PRELID2: variants seen among roughly 807,000 people sequenced by gnomAD.
PRELID2 encodes the protein PRELI domain containing 2.
A neutral mutation model predicts 28.4 loss-of-function variants in PRELID2; 25 were observed. The observed-to-expected ratio is 0.88, with a 90% confidence interval of 0.64 to 1.23. The LOEUF (loss-of-function observed/expected upper bound fraction) is 1.23, where lower values mean the gene tolerates loss of function less well. Ranked by LOEUF, PRELID2 falls within the 50% of genes most tolerant of loss-of-function variation. The pLI is 0.00. For synonymous variants in PRELID2, 76 were observed against 71.6 expected, an observed-to-expected ratio of 1.06 and a Z score of -0.31; for missense variants, 201 against 214.4, an observed-to-expected ratio of 0.94 and a Z score of 0.39.
intron 1 of PRELID2, among the ~76,000 whole-genome samples, chr5:145,676,220 CAAA>C (rs34833967): frequency 3.7e-5 from 2 of 53,594 alleles, no homozygotes; most frequent in Non-Finnish European, 4.3e-5. Context: ...AACTCCATCT[CAAA>C]AAAAAAAAAA....
chr5:145,563,675 C>G (rs142485072), intron 1 of PRELID2, among the ~76,000 whole-genome samples: 14 of 152,130 alleles, frequency 9.2e-5, no homozygotes, highest in Non-Finnish European at 2.9e-5. Flanking sequence ...GTAAGCCAGA[C>G]GCAAAAAGAA....
intron 1 of PRELID2, among the ~76,000 whole-genome samples, chr5:145,735,869 T>C (rs1252139048): frequency 6.6e-6 from 1 of 152,186 alleles, no homozygotes; most frequent in Non-Finnish European, 1.5e-5. Flanking sequence ...CTAAGTGAAA[T>C]GGATGATCAG....
chr5:145,656,479 G>A (rs551571036), intron 1 of PRELID2, among the ~76,000 whole-genome samples: 14 of 152,140 alleles, frequency 9.2e-5, no homozygotes, highest in Non-Finnish European at 1.9e-4. Context: ...ACTATTCACA[G>A]TAGCAAAGAC....
chr5:145,755,657 G>C (rs1757236920), downstream of PRELID2, among the ~76,000 whole-genome samples: 1 of 152,122 alleles, frequency 6.6e-6, no homozygotes, highest in Admixed American at 6.5e-5. Flanking sequence ...GAGAAATAAA[G>C]TTTATATTTT....
intron 1 of PRELID2, among the ~76,000 whole-genome samples, chr5:145,698,210 C>T (rs954460731): frequency 6.6e-6 from 1 of 152,056 alleles, no homozygotes; most frequent in Non-Finnish European, 1.5e-5. Context: ...GACTGAGGAC[C>T]TACTATATAT....
the PRELID2 span, among the ~76,000 whole-genome samples, chr5:145,294,527 T>A: frequency 6.6e-6 from 1 of 152,206 alleles, no homozygotes; most frequent in Non-Finnish European, 1.5e-5. Context: ...ATGACCAATA[T>A]TACATCACTT....
intron 1 of PRELID2, among the ~76,000 whole-genome samples, chr5:145,496,788 C>G (rs371178912): frequency 7.2e-5 from 11 of 152,218 alleles, no homozygotes; most frequent in East Asian, 1.9e-4. Flanking sequence ...GTTCACTCCC[C>G]CTTGGTCCTT....
intron 1 of PRELID2, among the ~76,000 whole-genome samples, chr5:145,483,139 G>A (rs1457368702): frequency 6.6e-6 from 1 of 152,128 alleles, no homozygotes; most frequent in Middle Eastern, 3.2e-3. Flanking sequence ...GCCCACAATT[G>A]TTGATGTCTC....
intron 1 of PRELID2, among the ~76,000 whole-genome samples, chr5:145,586,613 T>C (rs1753157210): frequency 6.6e-6 from 1 of 152,150 alleles, no homozygotes; most frequent in Non-Finnish European, 1.5e-5. Flanking sequence ...ATTCCCTTAT[T>C]CCCTCAATAA....
chr5:145,696,325 A>T (rs1360374584), intron 1 of PRELID2, among the ~76,000 whole-genome samples: 1 of 152,024 alleles, frequency 6.6e-6, no homozygotes, highest in South Asian at 2.1e-4. Context: ...AATGGTGAAA[A>T]TTTCATAATT....
At chr5:145,572,884 C>T (rs1422456733) in intron 1 of PRELID2, among the ~76,000 whole-genome samples, 1 of 152,170 alleles carries the variant, frequency 6.6e-6, no homozygotes, top group Non-Finnish European at 1.5e-5. Context: ...GAGTTTCAAA[C>T]TCTTGTGGGG....
chr5:145,341,802 G>A, the PRELID2 span, among the ~76,000 whole-genome samples: 1 of 151,788 alleles, frequency 6.6e-6, no homozygotes, highest in Admixed American at 6.6e-5. Flanking sequence ...TATTGCTGTG[G>A]TCAAAGAGAA....
At chr5:145,751,871 A>G (rs1486811221), downstream of PRELID2, among the ~76,000 whole-genome samples, 1 of 152,086 alleles carries the variant, frequency 6.6e-6, no homozygotes, top group Non-Finnish European at 1.5e-5. Context: ...AATCCCAGCT[A>G]CTCGGGAGGC....
the PRELID2 span, among the ~76,000 whole-genome samples, chr5:145,285,461 G>T: frequency 6.6e-6 from 1 of 152,192 alleles, no homozygotes. Context: ...TGCATTATCT[G>T]GGTCAAAACT....
At chr5:145,773,587 T>C (rs1359344438) in intron 5 of PRELID2, among the ~76,000 whole-genome samples, 1 of 152,218 alleles carries the variant, frequency 6.6e-6, no homozygotes, top group East Asian at 1.9e-4. Flanking sequence ...CCTTAGTCCA[T>C]CTGTGCTTAA....
At chr5:145,339,733 C>T in the PRELID2 span, among the ~76,000 whole-genome samples, 6 of 152,096 alleles carry the variant, frequency 3.9e-5, no homozygotes, top group Admixed American at 3.9e-4. Flanking sequence ...GCACTTCCCG[C>T]AATTATCTGC....
At position 145,835,342 on chromosome 5, in the gene PRELID2, C is replaced by T. The variant is rs891577964; in HGVS notation, c.-91G>A. 6 of 783,448 alleles carry T rather than the reference C, an allele frequency of 7.7e-6. No homozygotes were observed. Among genetic ancestry groups the T allele is most frequent in the Middle Eastern group, 3.6e-4 (1 of 2,742 alleles). The allele number at this position is 783,448 out of a possible 1,614,324, so 48.5% of individuals were successfully genotyped here. A position where few individuals can be genotyped will look rare whatever the true frequency, so the allele number is the denominator to read the frequency against. ...GCAGAGGCCCGGAGGCGCCCACACT[C>T]GGACAGCCACATGGGCGTGGCCTTT... is the stretch of plus-strand genomic sequence containing the variant. On this transcript the variant is annotated 5_prime_UTR_variant, in exon 1 of 7. Transcript: ENST00000683046.
At chr5:145,832,318 G>A (rs550668782) in intron 1 of PRELID2, among the ~76,000 whole-genome samples, 1 of 152,172 alleles carries the variant, frequency 6.6e-6, no homozygotes, top group East Asian at 1.9e-4. Flanking sequence ...CGAGTAGCTG[G>A]GATTACAGGC....
At chr5:145,239,002 T>C in the PRELID2 span, among the ~76,000 whole-genome samples, 2 of 152,106 alleles carry the variant, frequency 1.3e-5, no homozygotes, top group African/African-American at 4.8e-5. Flanking sequence ...TCTATCTATC[T>C]AACACACACA....
Sources: allele counts gnomAD v4.1 joint callset (sites outside exome capture counted in the v4.1 genomes callset), GRCh38; gene constraint gnomAD v4.1.1; transcripts MANE v1.5; gene names NCBI Gene and HGNC (gene_info 2026-07-23, HGNC 2026-07-21).